DPYD: variants seen among roughly 807,000 people sequenced by gnomAD.
The protein encoded by DPYD is dihydropyrimidine dehydrogenase.
DPYD carries 109 observed loss-of-function variants against 116.2 expected under a neutral mutation model. The observed-to-expected ratio is 0.94, with a 90% CI of 0.80 to 1.10. The LOEUF (loss-of-function observed/expected upper bound fraction) is 1.10. Ranked by LOEUF, DPYD falls within the 50% of genes least tolerant of loss-of-function variation. The pLI is 0.00. For synonymous variants in DPYD, 440 were observed against 432.0 expected, an observed-to-expected ratio of 1.02 and a Z score of -0.23; for missense variants, 1,302 against 1,254.5, an observed-to-expected ratio of 1.04 and a Z score of -0.57.
intron 8 of DPYD, among the ~76,000 whole-genome samples, chr1:97,668,731 A>T (rs929207416): frequency 1.9e-4 from 29 of 152,242 alleles, no homozygotes; most frequent in African/African-American, 7.0e-4. Flanking sequence ...ATGGAAACTT[A>T]ACCAGGGAGA....
chr1:97,674,751 T>C (rs941873002), intron 8 of DPYD, among the ~76,000 whole-genome samples: 81 of 152,180 alleles, frequency 5.3e-4, no homozygotes, highest in African/African-American at 1.9e-3. Context: ...TCTTTTTGAA[T>C]GTCTTATGAT....
chr1:97,745,115 T>G (rs1321771783), intron 3 of DPYD, among the ~76,000 whole-genome samples: 1 of 152,060 alleles, frequency 6.6e-6, no homozygotes, highest in Non-Finnish European at 1.5e-5. Flanking sequence ...TACTTCTGAC[T>G]CTGCTTTTCT....
chr1:97,785,718 A>T, intron 3 of DPYD, among the ~76,000 whole-genome samples: 1 of 99,386 alleles, frequency 1.0e-5, no homozygotes, highest in African/African-American at 4.0e-5. Context: ...TTTTAGACGG[A>T]GTCTCGCTCT....
chr1:97,609,305 C>G (rs993943230), intron 8 of DPYD, among the ~76,000 whole-genome samples: 2 of 151,930 alleles, frequency 1.3e-5, no homozygotes, highest in Non-Finnish European at 2.9e-5. Context: ...AGTTTACATT[C>G]CAGCCACAAT....
chr1:97,720,848 G>GA, intron 5 of DPYD: 5 of 1,603,826 alleles, frequency 3.1e-6, no homozygotes, highest in Non-Finnish European at 4.3e-6. Context: ...CCAAATAGGA[G>GA]ACGTCAGAGA....
At chr1:97,905,551 T>A (rs1167635686) in intron 1 of DPYD, among the ~76,000 whole-genome samples, 1 of 151,994 alleles carries the variant, frequency 6.6e-6, no homozygotes, top group Non-Finnish European at 1.5e-5. Flanking sequence ...AAATAAAGAT[T>A]CTGTCCTGTC....
At chr1:97,507,629 T>G (rs1227071691) in intron 13 of DPYD, among the ~76,000 whole-genome samples, 1 of 152,090 alleles carries the variant, frequency 6.6e-6, no homozygotes, top group African/African-American at 2.4e-5. Context: ...ACCCAGGCTC[T>G]AAAATATTAT....
At chr1:97,742,856 T>G (rs1273733213) in intron 3 of DPYD, among the ~76,000 whole-genome samples, 1 of 152,120 alleles carries the variant, frequency 6.6e-6, no homozygotes, top group East Asian at 1.9e-4. Context: ...TGTAAAAATA[T>G]CTGCCATCAC....
At chr1:97,389,712 C>T (rs1454062564) in intron 14 of DPYD, among the ~76,000 whole-genome samples, 2 of 151,904 alleles carry the variant, frequency 1.3e-5, no homozygotes, top group Admixed American at 6.6e-5. Flanking sequence ...AAAATGTATA[C>T]ACTTTTTGTA....
chr1:97,821,880 C>T (rs555731663), intron 3 of DPYD, among the ~76,000 whole-genome samples: 1 of 151,766 alleles, frequency 6.6e-6, no homozygotes, highest in African/African-American at 2.4e-5. Context: ...TCCTCTATAT[C>T]CTAGTTCCTC....
At chr1:97,660,880 C>T (rs1376157383) in intron 8 of DPYD, among the ~76,000 whole-genome samples, 2 of 152,048 alleles carry the variant, frequency 1.3e-5, no homozygotes, top group Non-Finnish European at 1.5e-5. Flanking sequence ...GCTCACTCCC[C>T]GCTTAAATTT....
chr1:97,707,976 G>A (rs1323092058), intron 5 of DPYD, among the ~76,000 whole-genome samples: 1 of 151,974 alleles, frequency 6.6e-6, no homozygotes, highest in East Asian at 1.9e-4. Flanking sequence ...TTTCAAGACA[G>A]TTTCCTGCAG....
At chr1:97,174,933 T>C (rs1216785698) in intron 20 of DPYD, among the ~76,000 whole-genome samples, 1 of 152,166 alleles carries the variant, frequency 6.6e-6, no homozygotes, top group African/African-American at 2.4e-5. Context: ...TATGGATTTG[T>C]TACTCCCATT....
rs533462008 is a variant in DPYD at position 97,576,115 on chromosome 1, T to TAAATATG, written c.1129-2152_1129-2146dup. 4.1e-3 allele frequency among the ~76,000 whole-genome samples: 630 copies of TAAATATG among 152,318 alleles called. 6 individuals are homozygous for TAAATATG. The highest frequency in any genetic ancestry group is 0.014 in the African/African-American group (593 of 41,588). On this transcript the variant is annotated intron_variant, in intron 10 of 22. Transcript: ENST00000370192. ...TCCTTGAATAATTCAAATTACAAAA[T>TAAATATG]AAATATGATTCCAATATGTAAAATA...
At chr1:97,200,441 G>A (rs1210179721) in intron 19 of DPYD, among the ~76,000 whole-genome samples, 1 of 152,104 alleles carries the variant, frequency 6.6e-6, no homozygotes, top group Non-Finnish European at 1.5e-5. Flanking sequence ...TAATAACTGA[G>A]TTATGTATCT....
At chr1:97,755,116 CCT>C (rs1452150934) in intron 3 of DPYD, among the ~76,000 whole-genome samples, 1 of 152,118 alleles carries the variant, frequency 6.6e-6, no homozygotes, top group African/African-American at 2.4e-5. Context: ...CCGGTTCTCC[CCT>C]CTTTCCTGCT....
At chr1:97,347,049 T>C (rs1280479994) in intron 16 of DPYD, among the ~76,000 whole-genome samples, 4 of 151,892 alleles carry the variant, frequency 2.6e-5, no homozygotes, top group Admixed American at 6.6e-5. Flanking sequence ...TCAGAAGATA[T>C]GTGAATAATG....
intron 10 of DPYD, among the ~76,000 whole-genome samples, chr1:97,575,306 G>GA (rs1031285179): frequency 2.3e-4 from 35 of 152,006 alleles, no homozygotes; most frequent in African/African-American, 8.2e-4. Flanking sequence ...TTGGGGGAAA[G>GA]AAAAAAATCC....
intron 2 of DPYD, among the ~76,000 whole-genome samples, chr1:97,840,632 A>G (rs1669992414): frequency 6.6e-6 from 1 of 152,130 alleles, no homozygotes; most frequent in Admixed American, 6.5e-5. Context: ...CTTTTTAATT[A>G]TTAAAAAATA....
Sources: allele counts gnomAD v4.1 joint callset (sites outside exome capture counted in the v4.1 genomes callset), GRCh38; gene constraint gnomAD v4.1.1; transcripts MANE v1.5; gene names NCBI Gene and HGNC (gene_info 2026-07-23, HGNC 2026-07-21).